Variants in KCNH7 observed in about 807,000 individuals in gnomAD.
The protein encoded by KCNH7 is voltage-gated inwardly rectifying potassium channel KCNH7.
A neutral mutation model predicts 120.8 loss-of-function variants in KCNH7; 49 were observed. That is an observed-to-expected ratio of 0.41 (90% CI 0.32 to 0.51). The LOEUF is 0.51. Ranked by LOEUF, KCNH7 falls within the 20% of genes least tolerant of loss-of-function variation. The probability of loss-of-function intolerance (pLI) is 0.38; values close to 1 mark genes in which losing one functional copy is unlikely to be tolerated. For synonymous variants in KCNH7, 547 were observed against 516.1 expected, an observed-to-expected ratio of 1.06 and a Z score of -0.81; for missense variants, 1,097 against 1,446.6, an observed-to-expected ratio of 0.76 and a Z score of 3.92.
intron 9 of KCNH7, among the ~76,000 whole-genome samples, chr2:162,408,767 A>G (rs528189490): frequency 7.2e-5 from 11 of 152,104 alleles, no homozygotes; most frequent in Middle Eastern, 3.4e-3. Context: ...TGAAAAGTAG[A>G]AATTTTATAG....
intron 2 of KCNH7, among the ~76,000 whole-genome samples, chr2:162,576,903 C>CTTA (rs201593342): frequency 6.7e-6 from 1 of 150,372 alleles, no homozygotes; most frequent in African/African-American, 2.4e-5. Flanking sequence ...TATTCTTTTT[C>CTTA]TTCTTTATTT....
intron 2 of KCNH7, among the ~76,000 whole-genome samples, chr2:162,594,309 T>G (rs1366439582): frequency 6.6e-6 from 1 of 152,020 alleles, no homozygotes; most frequent in Admixed American, 6.6e-5. Flanking sequence ...TCTTTCTCTC[T>G]CTCTCATTTC....
At chr2:162,569,483 C>T (rs932265471) in intron 2 of KCNH7, among the ~76,000 whole-genome samples, 1 of 145,098 alleles carries the variant, frequency 6.9e-6, no homozygotes, top group African/African-American at 2.6e-5. Context: ...AAAACCAGCT[C>T]CTGGATTCAT....
At chr2:162,651,672 A>C (rs1055759897) in intron 2 of KCNH7, among the ~76,000 whole-genome samples, 1 of 152,088 alleles carries the variant, frequency 6.6e-6, no homozygotes, top group Admixed American at 6.6e-5. Context: ...ATTTGTGTGC[A>C]TGGGTGTTTA....
chr2:162,577,337 C>CT (rs755812041), intron 2 of KCNH7, among the ~76,000 whole-genome samples: 6,944 of 121,594 alleles, frequency 0.057, 228 homozygotes, highest in South Asian at 0.092. Context: ...ATCTGTCTAT[C>CT]ATCTATCCAT....
rs143406302 is a variant in KCNH7, at chr2:162,434,410, C to A, written c.1954+788G>T. Among the ~76,000 whole-genome samples the A allele has an allele frequency of 4.6e-5, 7 of 152,072 alleles. No homozygotes were observed. The East Asian group carries it at 1.4e-3, about 29-fold the overall frequency. ...AAAGTTGAAATTATTTTTTAAAATA[C>A]GGTGAAAAAATGAAAACAAAAATCC... is the stretch of plus-strand genomic sequence containing the variant. On this transcript the variant is annotated intron_variant, in intron 8 of 15. Transcript: ENST00000332142.
chr2:162,556,845 C>T (rs1300422504), intron 2 of KCNH7, among the ~76,000 whole-genome samples: 1 of 152,206 alleles, frequency 6.6e-6, no homozygotes, highest in East Asian at 1.9e-4. Context: ...TAAAACCACA[C>T]AGCATTACTA....
chr2:162,683,941 A>AT, intron 2 of KCNH7, among the ~76,000 whole-genome samples: 1 of 152,076 alleles, frequency 6.6e-6, no homozygotes, highest in African/African-American at 2.4e-5. Context: ...CCTGACTTCT[A>AT]ACTATAGTAC....
intron 2 of KCNH7, among the ~76,000 whole-genome samples, chr2:162,706,037 T>A (rs1223670679): frequency 1.3e-5 from 2 of 152,116 alleles, no homozygotes; most frequent in Non-Finnish European, 1.5e-5. Context: ...CTGCTGTGCA[T>A]GCCCACAGAG....
chr2:162,686,037 G>A (rs977550349), intron 2 of KCNH7, among the ~76,000 whole-genome samples: 1 of 152,002 alleles, frequency 6.6e-6, no homozygotes, highest in African/African-American at 2.4e-5. Flanking sequence ...AGTCAACCAG[G>A]TCAAGGGGAT....
chr2:162,457,933 A>T lies in KCNH7; in HGVS notation c.1129-11490T>A, dbSNP rs147253303. Among the ~76,000 whole-genome samples, 19 of 152,306 alleles carry T rather than the reference A, an allele frequency of 1.2e-4. No individual in the cohort carries two copies. In the East Asian group the frequency reaches 3.7e-3, roughly 29 times the overall value. On this transcript the variant is annotated intron_variant, in intron 6 of 15. Coordinates refer to ENST00000332142, the MANE Select transcript of KCNH7 (RefSeq NM_033272.4). Reference sequence around the variant, plus strand: ...GAAACCAGCAATCTCATTGATGATTACCTATTCAAATTATAAGATGGAAAA... The same window carrying T: ...GAAACCAGCAATCTCATTGATGATTTCCTATTCAAATTATAAGATGGAAAA...
At chr2:162,511,115 A>G (rs920158482) in intron 5 of KCNH7, among the ~76,000 whole-genome samples, 5 of 151,724 alleles carry the variant, frequency 3.3e-5, no homozygotes, top group Non-Finnish European at 5.9e-5. Context: ...ATCCGTGTTC[A>G]AAGACTACTC....
At chr2:162,585,876 G>A (rs1394361471) in intron 2 of KCNH7, among the ~76,000 whole-genome samples, 3 of 151,862 alleles carry the variant, frequency 2.0e-5, no homozygotes, top group Admixed American at 1.3e-4. Flanking sequence ...ATATTATACA[G>A]AAATGCAATA....
chr2:162,406,715 T>C (rs1039942482), intron 9 of KCNH7, among the ~76,000 whole-genome samples: 1 of 152,006 alleles, frequency 6.6e-6, no homozygotes, highest in African/African-American at 2.4e-5. Context: ...CTGATTCTGG[T>C]AAAATTATTG....
chr2:162,430,143 C>G (rs2105508549), intron 8 of KCNH7, among the ~76,000 whole-genome samples: 1 of 152,022 alleles, frequency 6.6e-6, no homozygotes, highest in Admixed American at 6.6e-5. Context: ...TTTTGAGGGA[C>G]AGATTAGCCC....
At position 162,803,247 on chromosome 2, in the gene KCNH7, A is replaced by G. The variant is rs898753036; in HGVS notation, c.307+33290T>C. ...TGTATTCCAATTTAGTTCAATTTCC[A>G]TAAGTGAGGAATTAACTTTGATTAA... On this transcript the variant is annotated intron_variant, in intron 2 of 15. Coordinates refer to ENST00000332142, the MANE Select transcript of KCNH7 (RefSeq NM_033272.4). Among the ~76,000 whole-genome samples, 4 of 151,798 alleles carry G rather than the reference A, an allele frequency of 2.6e-5. No homozygotes were observed. In the South Asian group the frequency reaches 6.2e-4, roughly 24 times the overall value.
chr2:162,563,461 G>C (rs900130608), intron 2 of KCNH7, among the ~76,000 whole-genome samples: 4 of 152,020 alleles, frequency 2.6e-5, no homozygotes, highest in African/African-American at 9.7e-5. Flanking sequence ...TGGTGGTTTT[G>C]CTTGCATGGC....
intron 2 of KCNH7, among the ~76,000 whole-genome samples, chr2:162,684,177 A>AC (rs1685805679): frequency 6.6e-6 from 1 of 152,112 alleles, no homozygotes; most frequent in Non-Finnish European, 1.5e-5. Context: ...CCCCTTCCTT[A>AC]CCCCTTATAC....
At chr2:162,414,026 C>T (rs528245303) in intron 9 of KCNH7, among the ~76,000 whole-genome samples, 20 of 151,766 alleles carry the variant, frequency 1.3e-4, no homozygotes, top group Non-Finnish European at 2.5e-4. Flanking sequence ...GAAAAAGGTG[C>T]TTACATTTAA....
Sources: gnomAD v4.1 joint callset for allele counts (sites outside exome capture counted in the v4.1 genomes callset) on GRCh38, gnomAD v4.1.1 for gene constraint, MANE v1.5 for transcripts, NCBI Gene and HGNC (gene_info 2026-07-23, HGNC 2026-07-21) for gene names.